The following HIVEP3 variants were observed in gnomAD, a reference collection of about 807,000 sequenced individuals.
HIVEP3 encodes the protein transcription factor HIVEP3.
Under a neutral mutation model 152.8 loss-of-function variants are expected in HIVEP3, and 49 were observed. That is an observed-to-expected ratio of 0.32 (90% CI 0.26 to 0.41). The LOEUF (loss-of-function observed/expected upper bound fraction) is 0.41, where lower values mean the gene tolerates loss of function less well. Among genes scored for constraint, HIVEP3 ranks in the 10% least tolerant of loss-of-function variants. The probability of loss-of-function intolerance (pLI) is 1.00; values close to 1 mark genes in which losing one functional copy is unlikely to be tolerated. For synonymous variants in HIVEP3, 1,269 were observed against 1,289.0 expected (o/e 0.98, Z 0.33); for missense variants, 2,790 against 3,103.3 (o/e 0.90, Z 2.40).
intron 2 of HIVEP3, among the ~76,000 whole-genome samples, chr1:41,638,820 G>T (rs1258526431): frequency 6.6e-6 from 1 of 152,230 alleles, no homozygotes; most frequent in Admixed American, 6.5e-5. Flanking sequence ...GGCACTGGGG[G>T]TTGGCATCAC....
rs1426791907 is a variant in HIVEP3 at position 41,580,510 on chromosome 1, G to A, written c.4288C>T (p.Arg1430Cys). ...AGGCTGCCAGCTGGTGAAAGGACAC[G>A]TTTGCTTCCCCCTGCTGTTGATGAA... is the stretch of plus-strand genomic sequence containing the variant. ...GSSSTAGGSK[R>C]VLSPAGSLEL... Residue 1430 changes from arginine to cysteine, a missense_variant, in exon 4 of 9, where the codon CGT becomes TGT. Physicochemically the swap from Arg to Cys is radical, Grantham distance 180 (BLOSUM62 -3). Around this residue, in one of 9 missense-constraint regions of HIVEP3, gnomAD observed 1,078 missense variants for 1,165.3 expected, o/e 0.93. Coordinates refer to ENST00000372583, the MANE Select transcript of HIVEP3 (RefSeq NM_024503.5). 5 of 1,614,172 alleles carry A rather than the reference G, an allele frequency of 3.1e-6. No individual in the cohort carries two copies. The highest frequency in any genetic ancestry group is 1.7e-5 in the Admixed American group (1 of 60,022).
intron 5 of HIVEP3, among the ~76,000 whole-genome samples, chr1:41,527,448 CCTCA>C (rs1643023456): frequency 9.0e-6 from 1 of 111,446 alleles, no homozygotes; most frequent in Non-Finnish European, 2.0e-5. Context: ...CCACCCTCAC[CCTCA>C]CACCCCTGTC....
intron 1 of HIVEP3, among the ~76,000 whole-genome samples, chr1:41,872,180 C>T (rs1458210575): frequency 6.6e-6 from 1 of 152,152 alleles, no homozygotes; most frequent in Non-Finnish European, 1.5e-5. Flanking sequence ...CAGGCAGCCC[C>T]CAGAATCACA....
intron 1 of HIVEP3, among the ~76,000 whole-genome samples, chr1:41,899,466 G>A (rs1557500534): frequency 6.6e-6 from 1 of 152,170 alleles, no homozygotes; most frequent in Non-Finnish European, 1.5e-5. Flanking sequence ...GAGTGCAATG[G>A]TGCAATCTCG....
chr1:41,871,094 A>G (rs1266910307), intron 1 of HIVEP3, among the ~76,000 whole-genome samples: 2 of 152,240 alleles, frequency 1.3e-5, no homozygotes, highest in East Asian at 3.8e-4. Flanking sequence ...ACTTGGACAT[A>G]CTGTCACTAA....
rs117853070 is a variant in HIVEP3, at chr1:41,705,982, A to C, written c.-800-4987T>G. On this transcript the variant is annotated intron_variant, in intron 1 of 8. Transcript: ENST00000372583. ...AACTGGTAGCCTGTTTTTGTAAATAAAGTTTTATTGGGACACAACCATGCA... is the reference window on the plus strand; with the variant it reads ...AACTGGTAGCCTGTTTTTGTAAATACAGTTTTATTGGGACACAACCATGCA... Among the ~76,000 whole-genome samples, 22 of 152,272 alleles carry C rather than the reference A, an allele frequency of 1.4e-4. No individual in the cohort carries two copies. In the East Asian group the frequency reaches 3.5e-3, roughly 24 times the overall value.
chr1:41,747,038 A>G (rs538004861), intron 1 of HIVEP3, among the ~76,000 whole-genome samples: 1 of 152,178 alleles, frequency 6.6e-6, no homozygotes, highest in Non-Finnish European at 1.5e-5. Context: ...AGTGGGCACT[A>G]TGACTCCCAT....
intron 1 of HIVEP3, among the ~76,000 whole-genome samples, chr1:42,025,380 G>T (rs1372405684): frequency 6.6e-6 from 1 of 152,080 alleles, no homozygotes; most frequent in African/African-American, 2.4e-5. Context: ...AATCTGCCAA[G>T]CCACTTTTAA....
chr1:41,678,350 C>T (rs1007908149), intron 2 of HIVEP3, among the ~76,000 whole-genome samples: 11 of 152,220 alleles, frequency 7.2e-5, no homozygotes, highest in Admixed American at 1.3e-4. Context: ...CCCCACTCCT[C>T]AGCTTAACCT....
chr1:41,832,106 G>A lies in HIVEP3; in HGVS notation c.-801+86307C>T, dbSNP rs373733735. On this transcript the variant is annotated intron_variant, in intron 1 of 8. Transcript: ENST00000372583. The stretch of plus-strand genomic sequence containing the variant: ...AGATCTGCATTTCTAACTATTTCTA[G>A]GTGATGTTGATGCTTCTAGCCTATG... Among the ~76,000 whole-genome samples, 27 of 152,318 alleles carry A rather than the reference G, an allele frequency of 1.8e-4. No individual in the cohort carries two copies. The South Asian group carries it at 5.4e-3, about 30-fold the overall frequency.
chr1:41,682,674 GAA>G lies in HIVEP3; in HGVS notation c.-721+18240_-721+18241del, dbSNP rs75486322. Among the ~76,000 whole-genome samples, 3 of 152,244 alleles carry G rather than the reference GAA, an allele frequency of 2.0e-5. No individual in the cohort carries two copies. The East Asian group carries it at 5.8e-4, about 29-fold the overall frequency. On this transcript the variant is annotated intron_variant, in intron 2 of 8. Transcript: ENST00000372583. The stretch of plus-strand genomic sequence containing the variant: ...GGATGCAGGACCTCTTGGTGGTAGA[GAA>G]GTCTTAAGGGGGCTCAGTGCAAACT...
At chr1:41,764,817 G>A (rs1326501789) in intron 1 of HIVEP3, among the ~76,000 whole-genome samples, 1 of 152,162 alleles carries the variant, frequency 6.6e-6, no homozygotes, top group African/African-American at 2.4e-5. Flanking sequence ...CGTCAGCTGA[G>A]TGCTCCAACA....
intron 1 of HIVEP3, among the ~76,000 whole-genome samples, chr1:41,789,036 C>A (rs6691753): frequency 2.6e-5 from 4 of 152,198 alleles, no homozygotes; most frequent in Non-Finnish European, 5.9e-5. Flanking sequence ...GTCAGGACAA[C>A]CCTGTGCTCT....
At chr1:41,558,728 G>A (rs76942872) in intron 5 of HIVEP3, among the ~76,000 whole-genome samples, 3,585 of 152,230 alleles carry the variant, frequency 0.024, 139 homozygotes, top group African/African-American at 0.08. Flanking sequence ...TGCAGGGGAG[G>A]TGCCCAGCCT....
At chr1:41,697,334 A>G (rs1462206503) in intron 2 of HIVEP3, among the ~76,000 whole-genome samples, 1 of 152,240 alleles carries the variant, frequency 6.6e-6, no homozygotes, top group East Asian at 1.9e-4. Flanking sequence ...AGAACAGAAC[A>G]AAACAACAAC....
At chr1:41,816,676 C>T (rs1293584698) in intron 1 of HIVEP3, among the ~76,000 whole-genome samples, 6 of 152,164 alleles carry the variant, frequency 3.9e-5, no homozygotes, top group Admixed American at 3.9e-4. Context: ...GAGACTTCAG[C>T]CTCAAACAAA....
intron 1 of HIVEP3, among the ~76,000 whole-genome samples, chr1:41,988,713 G>C (rs538475274): frequency 6.6e-5 from 10 of 152,218 alleles, no homozygotes; most frequent in Admixed American, 3.3e-4. Context: ...TCCACTTGCA[G>C]GTATATATTC....
chr1:41,973,046 GCACA>G (rs61424124), intron 1 of HIVEP3, among the ~76,000 whole-genome samples: 79 of 147,194 alleles, frequency 5.4e-4, no homozygotes, highest in South Asian at 3.0e-3. Flanking sequence ...ACATGTGCGT[GCACA>G]CACACACACA....
intron 1 of HIVEP3, among the ~76,000 whole-genome samples, chr1:41,880,467 G>A (rs1485173193): frequency 2.0e-5 from 3 of 152,192 alleles, no homozygotes; most frequent in Non-Finnish European, 2.9e-5. Flanking sequence ...CTCCTTAAAT[G>A]CAGCACCAAC....
Sources: gnomAD v4.1 joint callset for allele counts (sites outside exome capture counted in the v4.1 genomes callset) on GRCh38, gnomAD v4.1.1 for gene constraint, gnomAD v4.1.1 regional missense constraint, MANE v1.5 for transcripts, NCBI Gene and HGNC (gene_info 2026-07-23, HGNC 2026-07-21) for gene names.